Variants in STIMATE observed in about 807,000 individuals in gnomAD.
The protein encoded by STIMATE is STIM activating enhancer.
In STIMATE, 15 loss-of-function variants were observed where a neutral mutation model predicts 36.7. The ratio of observed to expected loss-of-function variants is 0.41; its 90% CI spans 0.27 to 0.63. The LOEUF (loss-of-function observed/expected upper bound fraction) is 0.63, where lower values mean the gene tolerates loss of function less well. Among genes scored for constraint, STIMATE ranks in the 20% least tolerant of loss-of-function variants. The probability of loss-of-function intolerance (pLI) is 0.32; values close to 1 mark genes in which losing one functional copy is unlikely to be tolerated. For synonymous variants in STIMATE, 163 were observed against 162.3 expected, an observed-to-expected ratio of 1.00 and a Z score of -0.03; for missense variants, 305 against 397.3, an observed-to-expected ratio of 0.77 and a Z score of 1.98.
intron 3 of STIMATE, among the ~76,000 whole-genome samples, chr3:52,851,337 T>G (rs189527808): frequency 7.5e-4 from 114 of 152,362 alleles, no homozygotes; most frequent in Admixed American, 2.4e-3. Flanking sequence ...TCTGAAATCC[T>G]TGCAGGTAAG....
intron 4 of STIMATE, chr3:52,848,650 A>C (rs1700946836): frequency 6.6e-6 from 1 of 152,266 alleles, no homozygotes; most frequent in Admixed American, 6.5e-5. Flanking sequence ...TCCCATAGCC[A>C]TGCACTGGCT....
At chr3:52,851,312 A>G (rs2336556) in intron 3 of STIMATE, among the ~76,000 whole-genome samples, 135,518 of 152,248 alleles carry the variant, frequency 0.89, 62,219 homozygotes, top group Non-Finnish European at 1. Context: ...CTGACCCTCT[A>G]CGATACCATG....
intron 4 of STIMATE, among the ~76,000 whole-genome samples, chr3:52,846,963 G>A (rs1700918815): frequency 6.6e-6 from 1 of 152,114 alleles, no homozygotes. Context: ...GAGTGCAGGG[G>A]CATGAACACG....
intron 1 of STIMATE, among the ~76,000 whole-genome samples, chr3:52,873,378 T>C (rs1701441505): frequency 6.6e-6 from 1 of 152,384 alleles, no homozygotes; most frequent in African/African-American, 2.4e-5. Context: ...TATTGATTTT[T>C]GCCCAGATTA....
In STIMATE at chr3:52,838,654, C is replaced by T. The variant is rs1254284937; in HGVS notation, c.*1840G>A. 6.6e-6 allele frequency: 1 copy of T among 152,254 alleles called. No individual in the cohort carries two copies. The highest frequency in any genetic ancestry group is 1.5e-5 in the Non-Finnish European group (1 of 68,062). 9.4% of individuals were successfully genotyped at this position (152,254 alleles called of 1,614,324 possible). On this transcript the variant is annotated 3_prime_UTR_variant, in exon 8 of 8. Transcript: ENST00000355083. ...AGTTGCCTCCTACTGTAGTTACAGT[C>T]CCTGCTCCTCTCAGCACCCTGGCTC...
At chr3:52,841,304 C>A (rs374862977) in intron 7 of STIMATE, among the ~76,000 whole-genome samples, 1 of 152,262 alleles carries the variant, frequency 6.6e-6, no homozygotes, top group East Asian at 1.9e-4. Flanking sequence ...CAGAGGCAGA[C>A]TGAAAAGCCC....
At position 52,838,763 on chromosome 3, in the gene STIMATE, A is replaced by T. The variant is rs1700748913; in HGVS notation, c.*1731T>A. The T allele has an allele frequency of 1.3e-5, 2 of 151,660 alleles. No individual in the cohort carries two copies. The highest frequency in any genetic ancestry group is 4.8e-5 in the African/African-American group (2 of 41,292). The allele number at this position is 151,660 out of a possible 1,614,324, so 9.4% of individuals were successfully genotyped here. A position where few individuals can be genotyped will look rare whatever the true frequency, so the allele number is the denominator to read the frequency against. Reference sequence around the variant, plus strand: ...GGACAGGTAGGGCTCTGAGAGGCAGAGGGCAGTCCCAGGGTACCTGGTTTA... The same window carrying T: ...GGACAGGTAGGGCTCTGAGAGGCAGTGGGCAGTCCCAGGGTACCTGGTTTA... On this transcript the variant is annotated 3_prime_UTR_variant, in exon 8 of 8. Coordinates refer to ENST00000355083, the MANE Select transcript of STIMATE (RefSeq NM_198563.5).
chr3:52,894,798 G>A (rs1441213007), intron 1 of STIMATE, among the ~76,000 whole-genome samples: 1 of 152,226 alleles, frequency 6.6e-6, no homozygotes, highest in Non-Finnish European at 1.5e-5. Flanking sequence ...GACAGGCAGT[G>A]AGCCCATTGC....
chr3:52,850,663 A>G (rs888620862), intron 3 of STIMATE, among the ~76,000 whole-genome samples: 16 of 152,224 alleles, frequency 1.1e-4, no homozygotes, highest in African/African-American at 3.9e-4. Flanking sequence ...TTTCGCAGAC[A>G]AAGAGGACAG....
At chr3:52,873,952 T>C (rs1701454181) in intron 1 of STIMATE, among the ~76,000 whole-genome samples, 1 of 152,238 alleles carries the variant, frequency 6.6e-6, no homozygotes, top group Non-Finnish European at 1.5e-5. Flanking sequence ...CGGGCAACGA[T>C]ATGTGTGTGT....
chr3:52,837,994 ACGTG>A lies in STIMATE; in HGVS notation c.*2496_*2499del, dbSNP rs1700734560. On this transcript the variant is annotated 3_prime_UTR_variant, in exon 8 of 8. Transcript: ENST00000355083. Reference sequence around the variant, plus strand: ...GATTTGTGTGTGTACATGTGTGTGCACGTGCACGTGCACACACACACACAAACAC... The same window carrying A: ...GATTTGTGTGTGTACATGTGTGTGCACACGTGCACACACACACACAAACAC... 3 of 6,330 alleles carry A rather than the reference ACGTG, an allele frequency of 4.7e-4. No individual in the cohort carries two copies. In the Non-Finnish European group the frequency reaches 7.1e-3, roughly 15 times the overall value. 0.4% of individuals were successfully genotyped at this position (6,330 alleles called of 1,614,324 possible). A position where few individuals can be genotyped will look rare whatever the true frequency, so the allele number is the denominator to read the frequency against.
At chr3:52,896,335 T>C (rs1249714887) in intron 1 of STIMATE, among the ~76,000 whole-genome samples, 2 of 152,230 alleles carry the variant, frequency 1.3e-5, no homozygotes, top group African/African-American at 2.4e-5. Flanking sequence ...TTAATGACTC[T>C]GCACAGATAG....
intron 4 of STIMATE, among the ~76,000 whole-genome samples, chr3:52,846,227 T>C (rs1228138356): frequency 1.3e-5 from 2 of 152,244 alleles, no homozygotes; most frequent in African/African-American, 4.8e-5. Context: ...TCTTCCTTTC[T>C]ACTTTCACTT....
chr3:52,864,137 T>C (rs917492874), intron 1 of STIMATE, among the ~76,000 whole-genome samples: 7 of 152,200 alleles, frequency 4.6e-5, no homozygotes, highest in Non-Finnish European at 1.0e-4. Flanking sequence ...CGACCTCACA[T>C]CTCCCTTCCA....
intron 1 of STIMATE, among the ~76,000 whole-genome samples, chr3:52,882,591 C>G (rs79143779): frequency 0.016 from 2,419 of 152,312 alleles, 57 homozygotes; most frequent in African/African-American, 0.055. Context: ...GCTAACAGCT[C>G]TTCAAGGTAG....
chr3:52,847,691 T>C (rs1276144499), intron 4 of STIMATE: 2 of 545,128 alleles, frequency 3.7e-6, no homozygotes, highest in South Asian at 1.7e-5. Flanking sequence ...CACAGTTGCC[T>C]ACATCCAAAT....
rs1400788215 is a variant in STIMATE, at chr3:52,838,698, TG to T, written c.*1795del. On this transcript the variant is annotated 3_prime_UTR_variant, in exon 8 of 8. Transcript: ENST00000355083. Reference sequence around the variant, plus strand: ...CTGGCTCTGCACTCCTGGTGGAAGATGGGCTGAGAAGGCCTGCCTGATGCTC... The same window carrying T: ...CTGGCTCTGCACTCCTGGTGGAAGATGGCTGAGAAGGCCTGCCTGATGCTC... The T allele has an allele frequency of 1.3e-5, 2 of 152,268 alleles. No homozygotes were observed. Among genetic ancestry groups the T allele is most frequent in the African/African-American group, 4.8e-5 (2 of 41,452 alleles). The allele number at this position is 152,268 out of a possible 1,614,324, so 9.4% of individuals were successfully genotyped here.
intron 1 of STIMATE, among the ~76,000 whole-genome samples, chr3:52,857,561 A>T (rs1262763475): frequency 6.6e-6 from 1 of 152,094 alleles, no homozygotes; most frequent in Non-Finnish European, 1.5e-5. Flanking sequence ...AAGGACATCA[A>T]ATATATCTTG....
chr3:52,867,799 G>C (rs932944925), intron 1 of STIMATE, among the ~76,000 whole-genome samples: 31 of 152,230 alleles, frequency 2.0e-4, no homozygotes, highest in Admixed American at 1.4e-3. Context: ...CCAGGGTAGG[G>C]TGTGGAAAAT....
Sources: allele counts gnomAD v4.1 joint callset (sites outside exome capture counted in the v4.1 genomes callset), GRCh38; gene constraint gnomAD v4.1.1; transcripts MANE v1.5; gene names NCBI Gene and HGNC (gene_info 2026-07-23, HGNC 2026-07-21).